Variants in DOCK4 observed in about 807,000 individuals in gnomAD.
The protein encoded by DOCK4 is dedicator of cytokinesis 4, also known as dedicator of cytokinesis protein 4.
A neutral mutation model predicts 268.1 loss-of-function variants in DOCK4; 97 were observed. That is an observed-to-expected ratio of 0.36 (90% CI 0.31 to 0.43). The LOEUF is 0.43. DOCK4 is among the 20% of genes least tolerant of loss of function. DOCK4 has a pLI of 1.00. For synonymous variants in DOCK4, 954 were observed against 887.2 expected (o/e 1.08, Z -1.34); for missense variants, 2,145 against 2,455.7 (o/e 0.87, Z 2.67).
chr7:111,940,323 G>C, intron 10 of DOCK4, 81 bp from the exon 11 acceptor site: 1 of 1,570,744 alleles, frequency 6.4e-7, no homozygotes, highest in Non-Finnish European at 8.7e-7. Context: ...ACAGCTATAA[G>C]ATAGGCCATT....
chr7:111,779,779 T>C (rs1798680858), intron 35 of DOCK4, among the ~76,000 whole-genome samples: 1 of 152,226 alleles, frequency 6.6e-6, no homozygotes, highest in African/African-American at 2.4e-5. Flanking sequence ...GAGTCCTCAC[T>C]GAACTTATTC....
chr7:111,819,987 C>T (rs988935006), intron 27 of DOCK4: 3 of 152,218 alleles, frequency 2.0e-5, no homozygotes, highest in South Asian at 2.1e-4. Flanking sequence ...CTAGTGTATG[C>T]TCTTTAACGT....
At chr7:111,961,431 T>C (rs1796885597) in intron 8 of DOCK4, among the ~76,000 whole-genome samples, 2 of 152,210 alleles carry the variant, frequency 1.3e-5, no homozygotes, top group Admixed American at 6.5e-5. Context: ...CATGCTTTCA[T>C]AGTGAGTGAA....
At chr7:112,071,053 A>G (rs1039992689) in intron 1 of DOCK4, among the ~76,000 whole-genome samples, 2 of 152,248 alleles carry the variant, frequency 1.3e-5, no homozygotes, top group Admixed American at 1.3e-4. Flanking sequence ...TTGGCAGAAG[A>G]CAGTTGACTA....
intron 12 of DOCK4, among the ~76,000 whole-genome samples, chr7:111,933,201 T>C (rs1461715947): frequency 1.4e-5 from 2 of 144,054 alleles, no homozygotes; most frequent in African/African-American, 5.1e-5. Flanking sequence ...TACACATATA[T>C]ACGTATATAC....
intron 34 of DOCK4, 145 bp downstream of exon 34, chr7:111,783,712 G>T: frequency 1.4e-6 from 1 of 721,696 alleles, no homozygotes; most frequent in Non-Finnish European, 2.3e-6. Context: ...CTGGTTAGAA[G>T]TTCATTATCT....
chr7:112,131,833 A>G (rs1813832847), intron 1 of DOCK4, among the ~76,000 whole-genome samples: 1 of 152,202 alleles, frequency 6.6e-6, no homozygotes, highest in African/African-American at 2.4e-5. Flanking sequence ...GTTGTAACAC[A>G]CTTCATGGTT....
intron 5 of DOCK4, 125 bp from the exon 6 acceptor site, chr7:111,989,288 G>T: frequency 1.6e-6 from 2 of 1,273,574 alleles, no homozygotes; most frequent in Non-Finnish European, 2.2e-6. Context: ...CTGGACAGAT[G>T]TCCGTGAACA....
At position 111,862,482 on chromosome 7, in the gene DOCK4, CTTTTTTTTTTTTT is replaced by C. The variant is rs1168060750; in HGVS notation, c.2473+877_2473+889del. 6.0e-5 allele frequency among the ~76,000 whole-genome samples: 5 copies of C among 83,386 alleles called. 1 individual carries two copies. In the East Asian group the frequency reaches 1.1e-3, roughly 19 times the overall value. The allele number at this position is 83,386 out of a possible 152,430, so 54.7% of individuals were successfully genotyped here. On this transcript the variant is annotated intron_variant, in intron 23 of 52. Transcript: ENST00000428084. ...CACACATTCATATGGGAAAATCATT[CTTTTTTTTTTTTT>C]TTTTTTTTTTTTTGAGACAGAGTCT...
chr7:112,136,437 A>C (rs1192457380), intron 1 of DOCK4, among the ~76,000 whole-genome samples: 1 of 152,184 alleles, frequency 6.6e-6, no homozygotes, highest in Non-Finnish European at 1.5e-5. Context: ...AATCCAGACA[A>C]TTACGAGAAG....
At position 112,164,923 on chromosome 7, in the gene DOCK4, T is replaced by C. The variant is rs565723850; in HGVS notation, c.37+41179A>G. 2.6e-4 allele frequency among the ~76,000 whole-genome samples: 39 copies of C among 152,252 alleles called. 1 individual carries two copies. The highest frequency in any genetic ancestry group is 1.0e-3 in the Admixed American group (16 of 15,298). On this transcript the variant is annotated intron_variant, in intron 1 of 52. Transcript: ENST00000428084. ...CATGTTATTACAACCTGGTGAAACATAGAACTATCCATTAAGGAGTAAAAA... is the reference window on the plus strand; with the variant it reads ...CATGTTATTACAACCTGGTGAAACACAGAACTATCCATTAAGGAGTAAAAA...
intron 1 of DOCK4, among the ~76,000 whole-genome samples, chr7:112,201,813 G>C (rs1483237561): frequency 6.6e-6 from 1 of 152,050 alleles, no homozygotes; most frequent in Non-Finnish European, 1.5e-5. Flanking sequence ...CCAAAACTTT[G>C]TACACTTTGA....
intron 34 of DOCK4, among the ~76,000 whole-genome samples, chr7:111,783,237 A>G (rs1391271905): frequency 6.6e-6 from 1 of 152,160 alleles, no homozygotes. Context: ...AGAGGAGTGA[A>G]AATGTGTTAT....
chr7:111,773,964 C>T (rs1798285581), intron 36 of DOCK4, among the ~76,000 whole-genome samples: 1 of 151,838 alleles, frequency 6.6e-6, no homozygotes. Flanking sequence ...CTGCAGTGAG[C>T]CCAGATCGTG....
At chr7:112,003,025 T>C (rs1334395013) in intron 2 of DOCK4, among the ~76,000 whole-genome samples, 1 of 134,658 alleles carries the variant, frequency 7.4e-6, no homozygotes, top group Non-Finnish European at 1.5e-5. Flanking sequence ...AACTCCAGCA[T>C]GGGTGACAGA....
intron 1 of DOCK4, among the ~76,000 whole-genome samples, chr7:112,102,751 A>C (rs1022202461): frequency 6.6e-5 from 10 of 152,212 alleles, no homozygotes; most frequent in African/African-American, 2.4e-4. Flanking sequence ...TTGTTCTTTC[A>C]GCTGCCCAGT....
chr7:111,847,352 T>A (rs1426399723), intron 23 of DOCK4, among the ~76,000 whole-genome samples: 3 of 152,232 alleles, frequency 2.0e-5, no homozygotes, highest in Non-Finnish European at 4.4e-5. Context: ...AATAGATATC[T>A]TTCTAAAATT....
At chr7:111,786,020 T>G (rs1460144360) in intron 32 of DOCK4, among the ~76,000 whole-genome samples, 1 of 152,182 alleles carries the variant, frequency 6.6e-6, no homozygotes, top group African/African-American at 2.4e-5. Context: ...GTCATCACTC[T>G]AATATATAAC....
At chr7:111,910,103 A>G (rs1437673322) in intron 13 of DOCK4, among the ~76,000 whole-genome samples, 2 of 152,252 alleles carry the variant, frequency 1.3e-5, no homozygotes, top group African/African-American at 2.4e-5. Context: ...TGTGGGAACA[A>G]GTCTCTAAAG....
Sources: gnomAD v4.1 joint callset for allele counts (sites outside exome capture counted in the v4.1 genomes callset) on GRCh38, gnomAD v4.1.1 for gene constraint, MANE v1.5 for transcripts, NCBI Gene and HGNC (gene_info 2026-07-23, HGNC 2026-07-21) for gene names.